DOCK1: variants seen among roughly 807,000 people sequenced by gnomAD.
The protein encoded by DOCK1 is dedicator of cytokinesis protein 1.
In DOCK1, 138 loss-of-function variants were observed where a neutral mutation model predicts 262.7. That is an observed-to-expected ratio of 0.53 (90% CI 0.46 to 0.61). The LOEUF is 0.61. DOCK1 is among the 20% of genes least tolerant of loss of function. The pLI is 0.00. For missense variants in DOCK1, 1,908 were observed against 2,370.7 expected, an observed-to-expected ratio of 0.80 and a Z score of 4.05; for synonymous variants, 866 against 867.4, an observed-to-expected ratio of 1.00 and a Z score of 0.03.
At chr10:127,207,259 G>C (rs1266451938) in intron 27 of DOCK1, among the ~76,000 whole-genome samples, 2 of 152,076 alleles carry the variant, frequency 1.3e-5, no homozygotes, top group Non-Finnish European at 2.9e-5. Context: ...CCGTGAAACT[G>C]GGCACTGTTA....
chr10:127,267,852 G>T (rs573281038), intron 29 of DOCK1, among the ~76,000 whole-genome samples: 3 of 152,220 alleles, frequency 2.0e-5, no homozygotes, highest in East Asian at 1.9e-4. Flanking sequence ...TTGGAAGAAG[G>T]TCTGTGCAGT....
At chr10:127,128,318 A>G (rs1003838934) in intron 27 of DOCK1, among the ~76,000 whole-genome samples, 6 of 144,906 alleles carry the variant, frequency 4.1e-5, no homozygotes, top group African/African-American at 1.5e-4. Context: ...CAAAAAATGC[A>G]TGAGTAGATC....
At chr10:127,324,147 G>A (rs566314134) in intron 29 of DOCK1, among the ~76,000 whole-genome samples, 10 of 152,180 alleles carry the variant, frequency 6.6e-5, no homozygotes, top group South Asian at 4.1e-4. Flanking sequence ...AGGAGCCCAC[G>A]GTGGGGGAGA....
At chr10:127,352,220 TCGGGGAGGGG>T (rs1380000508) in intron 31 of DOCK1, among the ~76,000 whole-genome samples, 5 of 65,628 alleles carry the variant, frequency 7.6e-5, no homozygotes, top group Admixed American at 1.8e-4. Flanking sequence ...GTGGGGAGCA[TCGGGGAGGGG>T]TGGGGAGGGG....
chr10:127,036,369 G>T (rs957796948), intron 18 of DOCK1, among the ~76,000 whole-genome samples: 4 of 152,122 alleles, frequency 2.6e-5, no homozygotes, highest in South Asian at 2.1e-4. Context: ...CTTATTGCCT[G>T]CATGCCTTTT....
chr10:127,327,576 T>G (rs554112100), intron 29 of DOCK1, among the ~76,000 whole-genome samples: 1 of 152,200 alleles, frequency 6.6e-6, no homozygotes, highest in Non-Finnish European at 1.5e-5. Flanking sequence ...CACTGAAACT[T>G]TCTCCGTAAA....
chr10:127,350,793 A>C (rs1004966576), intron 31 of DOCK1, among the ~76,000 whole-genome samples: 2 of 152,144 alleles, frequency 1.3e-5, no homozygotes, highest in Admixed American at 6.5e-5. Context: ...ATAAATGTTC[A>C]CTAAATGAAT....
At position 126,973,419 on chromosome 10, in the gene DOCK1, A is replaced by G. The variant is rs538560193; in HGVS notation, c.130+2634A>G. Among the ~76,000 whole-genome samples, 4 of 151,974 alleles carry G rather than the reference A, an allele frequency of 2.6e-5. No homozygotes were observed. In the South Asian group the frequency reaches 8.3e-4, roughly 32 times the overall value. ...GAGGAATGTGTTTTTTAAACAGTGGACTCCTCGGGCATGTCAGTGGTCCTT... is the reference window on the plus strand; with the variant it reads ...GAGGAATGTGTTTTTTAAACAGTGGGCTCCTCGGGCATGTCAGTGGTCCTT... On this transcript the variant is annotated intron_variant, in intron 2 of 51. Transcript: ENST00000623213.
At chr10:127,313,106 C>G (rs994856127) in intron 29 of DOCK1, among the ~76,000 whole-genome samples, 1 of 152,156 alleles carries the variant, frequency 6.6e-6, no homozygotes, top group Admixed American at 6.5e-5. Flanking sequence ...ATGACTCAGC[C>G]AGACCTCAGC....
At position 127,127,741 on chromosome 10, in the gene DOCK1, A is replaced by G; in HGVS notation, c.2824A>G (p.Met942Val). 2 of 1,613,172 alleles carry G rather than the reference A, an allele frequency of 1.2e-6. No individual in the cohort carries two copies. Among genetic ancestry groups the G allele is most frequent in the African/African-American group, 1.3e-5 (1 of 75,034 alleles). ...LRTVNRTVIS[M>V]GRDSELIGNF... The stretch of plus-strand genomic sequence containing the variant: ...GACCGTGAACCGAACCGTCATTTCC[A>G]TGGGACGAGATTCTGAACTCATTGT... Residue 942 changes from methionine (M) to valine (V), a missense_variant, in exon 27 of 52, where the codon ATG becomes GTG. Met to Val is a conservative substitution (Grantham distance 21, BLOSUM62 1). Around this residue, in one of 9 missense-constraint regions of DOCK1, gnomAD observed 518 missense variants for 575.1 expected, o/e 0.90. Coordinates refer to ENST00000623213, the MANE Select transcript of DOCK1 (RefSeq NM_001290223.2).
intron 48 of DOCK1, among the ~76,000 whole-genome samples, chr10:127,434,967 T>C (rs1050501385): frequency 2.0e-5 from 3 of 152,174 alleles, no homozygotes; most frequent in African/African-American, 7.2e-5. Flanking sequence ...CCACTTTCTA[T>C]CACTATGATT....
chr10:127,410,119 T>C (rs2067755684), intron 42 of DOCK1, among the ~76,000 whole-genome samples: 1 of 152,256 alleles, frequency 6.6e-6, no homozygotes, highest in Admixed American at 6.5e-5. Context: ...TCCTGAAGTT[T>C]GGTGGTTTCT....
chr10:127,259,559 G>T (rs994765940), intron 29 of DOCK1, among the ~76,000 whole-genome samples: 8 of 152,152 alleles, frequency 5.3e-5, no homozygotes, highest in African/African-American at 1.7e-4. Flanking sequence ...GAGGCGGCCC[G>T]TGTGGATGCT....
chr10:127,203,078 C>T (rs1043685671), intron 27 of DOCK1, among the ~76,000 whole-genome samples: 5 of 152,186 alleles, frequency 3.3e-5, no homozygotes, highest in African/African-American at 1.2e-4. Context: ...AATCATTTTG[C>T]ATTTCGATAG....
At chr10:127,099,009 G>A (rs1477799812) in intron 23 of DOCK1, among the ~76,000 whole-genome samples, 1 of 152,288 alleles carries the variant, frequency 6.6e-6, no homozygotes, top group African/African-American at 2.4e-5. Context: ...TCTTACAATA[G>A]TGGGTAATGG....
At position 126,919,879 on chromosome 10, in the gene DOCK1, G is replaced by A. The variant is rs1427166268; in HGVS notation, c.46+14316G>A. ...CACACCTTGCCGTACATTGAATGAA[G>A]GCAAAGGGAGAGATTTCATCATAGC... On this transcript the variant is annotated intron_variant, in intron 1 of 51. Transcript: ENST00000623213. 2.0e-5 allele frequency among the ~76,000 whole-genome samples: 3 copies of A among 152,168 alleles called. 1 individual carries two copies. The highest frequency in any genetic ancestry group is 4.4e-5 in the Non-Finnish European group (3 of 68,042).
At chr10:127,404,491 C>G in intron 40 of DOCK1, 62 bp downstream of exon 40, 6 of 1,490,964 alleles carry the variant, frequency 4.0e-6, no homozygotes, top group Non-Finnish European at 2.8e-6. Context: ...ATCCCCTTCC[C>G]GTTCTGAGGA....
chr10:127,444,318 C>A, intron 50 of DOCK1, 39 bp downstream of exon 50: 4 of 1,542,946 alleles, frequency 2.6e-6, no homozygotes, highest in South Asian at 1.3e-5. Context: ...CGTGCTATAG[C>A]TCCGTGACTT....
At chr10:127,311,767 C>T (rs2062070396) in intron 29 of DOCK1, among the ~76,000 whole-genome samples, 1 of 152,218 alleles carries the variant, frequency 6.6e-6, no homozygotes, top group Non-Finnish European at 1.5e-5. Context: ...TCCCCTCTTG[C>T]CTCATCCTCA....
Sources: gnomAD v4.1 joint callset for allele counts (sites outside exome capture counted in the v4.1 genomes callset) on GRCh38, gnomAD v4.1.1 for gene constraint, gnomAD v4.1.1 regional missense constraint, MANE v1.5 for transcripts, NCBI Gene and HGNC (gene_info 2026-07-23, HGNC 2026-07-21) for gene names.